The following NMBR variants were observed in gnomAD, a reference collection of about 807,000 sequenced individuals.
NMBR encodes neuromedin B receptor.
NMBR carries 16 observed loss-of-function variants against 20.5 expected under a neutral mutation model. The observed-to-expected ratio is 0.78, with a 90% CI of 0.53 to 1.19. NMBR has a LOEUF of 1.19. Among genes scored for constraint, NMBR ranks in the 50% most tolerant of loss-of-function variants. The pLI is 0.00. For synonymous variants in NMBR, 212 were observed against 196.6 expected (o/e 1.08, Z -0.65); for missense variants, 582 against 499.1 (o/e 1.17, Z -1.58).
At chr6:142,099,377 A>G (rs1777517387) in intron 1 of NMBR, among the ~76,000 whole-genome samples, 1 of 152,180 alleles carries the variant, frequency 6.6e-6, no homozygotes, top group Admixed American at 6.6e-5. Flanking sequence ...GGAAACTTAC[A>G]ATCATGTCAT....
At chr6:142,104,914 A>T (rs897303819) in intron 1 of NMBR, among the ~76,000 whole-genome samples, 1 of 152,180 alleles carries the variant, frequency 6.6e-6, no homozygotes, top group Non-Finnish European at 1.5e-5. Context: ...TGGTGGGATT[A>T]TCATTAGTTC....
chr6:142,142,435 C>T (rs921823636), intron 1 of NMBR, among the ~76,000 whole-genome samples: 2 of 152,054 alleles, frequency 1.3e-5, no homozygotes, highest in Non-Finnish European at 2.9e-5. Flanking sequence ...CGGGGTTTAC[C>T]CCGGGAATGA....
intron 1 of NMBR, among the ~76,000 whole-genome samples, chr6:142,127,386 T>A (rs1005319840): frequency 1.3e-5 from 2 of 152,060 alleles, no homozygotes; most frequent in Non-Finnish European, 2.9e-5. Flanking sequence ...TTGATTACTG[T>A]AGTCTTTATA....
intron 1 of NMBR, among the ~76,000 whole-genome samples, chr6:142,128,275 T>C (rs182157426): frequency 5.3e-5 from 8 of 152,256 alleles, no homozygotes; most frequent in Admixed American, 4.6e-4. Context: ...TGTGGAATCA[T>C]AAGCCAATTA....
Position 142,113,496 on chromosome 6 carries a change from C to T in NMBR, c.-663-24175G>A, listed in dbSNP as rs1777805994. Among the ~76,000 whole-genome samples the T allele has an allele frequency of 2.0e-5, 3 of 152,024 alleles. No individual in the cohort carries two copies. In the South Asian group the frequency reaches 6.2e-4, roughly 32 times the overall value. ...GATTTATTCTATATAAGAGATGTTCCTCTCACAAGCTTTGACTCTTTCATC... is the reference window on the plus strand; with the variant it reads ...GATTTATTCTATATAAGAGATGTTCTTCTCACAAGCTTTGACTCTTTCATC... On this transcript the variant is annotated intron_variant, in intron 1 of 3. Transcript: ENST00000258042.
intron 2 of NMBR, among the ~76,000 whole-genome samples, chr6:142,083,440 C>T (rs1009035195): frequency 3.9e-5 from 6 of 151,980 alleles, no homozygotes; most frequent in African/African-American, 1.5e-4. Flanking sequence ...CTTTTTAGTC[C>T]TGTGGTGTGT....
At chr6:142,122,873 T>A (rs1777969543) in intron 1 of NMBR, among the ~76,000 whole-genome samples, 1 of 151,952 alleles carries the variant, frequency 6.6e-6, no homozygotes, top group African/African-American at 2.4e-5. Context: ...TCATTGACAG[T>A]GCACCTAGTC....
chr6:142,100,338 A>G (rs1214204192), intron 1 of NMBR, among the ~76,000 whole-genome samples: 1 of 152,196 alleles, frequency 6.6e-6, no homozygotes, highest in Non-Finnish European at 1.5e-5. Context: ...GAATAAATAA[A>G]CGGTGGTACA....
intron 1 of NMBR, among the ~76,000 whole-genome samples, chr6:142,120,964 C>A (rs1247683263): frequency 6.6e-6 from 1 of 151,856 alleles, no homozygotes; most frequent in Non-Finnish European, 1.5e-5. Context: ...TGGTGTCAAC[C>A]CTGCATCCAG....
chr6:142,101,355 T>C (rs1348827710), intron 1 of NMBR, among the ~76,000 whole-genome samples: 1 of 152,124 alleles, frequency 6.6e-6, no homozygotes, highest in Non-Finnish European at 1.5e-5. Flanking sequence ...CAATTCCCTG[T>C]TTTGGGTCAT....
At chr6:142,093,948 G>T (rs7761875) in intron 1 of NMBR, among the ~76,000 whole-genome samples, 2 of 149,674 alleles carry the variant, frequency 1.3e-5, no homozygotes, top group African/African-American at 4.9e-5. Context: ...GCATAAATGT[G>T]TTCTTTTGAG....
At chr6:142,088,018 A>T (rs558470072) in intron 2 of NMBR, among the ~76,000 whole-genome samples, 24 of 152,154 alleles carry the variant, frequency 1.6e-4, no homozygotes, top group South Asian at 2.1e-4. Context: ...TGTTTTTTTT[A>T]AAACATAGTA....
chr6:142,086,202 G>A (rs1777196310), intron 2 of NMBR, among the ~76,000 whole-genome samples: 1 of 152,072 alleles, frequency 6.6e-6, no homozygotes, highest in Non-Finnish European at 1.5e-5. Context: ...GGCTAGCTGT[G>A]AGATCATAAA....
chr6:142,119,036 C>CAAT (rs1208457454), intron 1 of NMBR, among the ~76,000 whole-genome samples: 3 of 152,028 alleles, frequency 2.0e-5, no homozygotes, highest in African/African-American at 7.2e-5. Context: ...AAGTCTTAGG[C>CAAT]AATGCCAAGG....
At chr6:142,108,974 T>C (rs559254703) in intron 1 of NMBR, among the ~76,000 whole-genome samples, 132 of 152,046 alleles carry the variant, frequency 8.7e-4, no homozygotes, top group Non-Finnish European at 1.6e-3. Context: ...TCACTGCAAA[T>C]GGGAGAAATT....
rs189999399 is a variant in NMBR at position 142,098,702 on chromosome 6, G to A, written c.-663-9381C>T. On this transcript the variant is annotated intron_variant, in intron 1 of 3. Coordinates refer to ENST00000258042, the MANE Select transcript of NMBR (RefSeq NM_002511.4). Reference sequence around the variant, plus strand: ...AATAAAAAGATATTCCATATTCATGGATTGGAAAACTCAAGTTTTCCTTGT... The same window carrying A: ...AATAAAAAGATATTCCATATTCATGAATTGGAAAACTCAAGTTTTCCTTGT... 2.6e-5 allele frequency among the ~76,000 whole-genome samples: 4 copies of A among 152,228 alleles called. No homozygotes were observed. In the East Asian group the frequency reaches 7.7e-4, roughly 29 times the overall value.
At chr6:142,122,529 C>G (rs1777962009) in intron 1 of NMBR, among the ~76,000 whole-genome samples, 1 of 151,984 alleles carries the variant, frequency 6.6e-6, no homozygotes, top group Non-Finnish European at 1.5e-5. Context: ...CTATGTATAT[C>G]AAACAGCTTT....
chr6:142,141,788 C>A (rs1053745475), intron 1 of NMBR, among the ~76,000 whole-genome samples: 5 of 152,200 alleles, frequency 3.3e-5, no homozygotes, highest in East Asian at 1.9e-4. Context: ...CAGGCATGAG[C>A]CACCACGCCC....
At chr6:142,137,755 T>C (rs1014650902) in intron 1 of NMBR, among the ~76,000 whole-genome samples, 1 of 152,204 alleles carries the variant, frequency 6.6e-6, no homozygotes, top group Non-Finnish European at 1.5e-5. Context: ...GAGATAATCA[T>C]GTGGTTTTTG....
Sources: allele counts gnomAD v4.1 joint callset (sites outside exome capture counted in the v4.1 genomes callset), GRCh38; gene constraint gnomAD v4.1.1; transcripts MANE v1.5; gene names NCBI Gene and HGNC (gene_info 2026-07-23, HGNC 2026-07-21).